PKD2: variants seen among roughly 807,000 people sequenced by gnomAD.
PKD2 encodes the protein polycystin-2.
Under a neutral mutation model 105.9 loss-of-function variants are expected in PKD2, and 48 were observed. That is an observed-to-expected ratio of 0.45 (90% CI 0.36 to 0.58). PKD2 has a LOEUF of 0.58. PKD2 is among the 20% of genes least tolerant of loss of function. The pLI, the probability that PKD2 is intolerant of heterozygous loss-of-function variation, is 0.00. For missense variants in PKD2, 1,078 were observed against 1,255.3 expected (o/e 0.86, Z 2.13); for synonymous variants, 464 against 481.1 (o/e 0.96, Z 0.46).
intron 2 of PKD2, among the ~76,000 whole-genome samples, chr4:88,023,148 A>G (rs966666378): frequency 1.3e-5 from 2 of 152,136 alleles, no homozygotes; most frequent in African/African-American, 4.8e-5. Context: ...AAAGAAAGAA[A>G]AGAGATTTAT....
chr4:88,060,622 T>G (rs967924681), intron 9 of PKD2, among the ~76,000 whole-genome samples: 6 of 152,070 alleles, frequency 3.9e-5, no homozygotes, highest in African/African-American at 1.4e-4. Flanking sequence ...ATAGAAATAC[T>G]TGCAAACCAC....
chr4:88,012,990 A>C (rs1254413644), intron 1 of PKD2, among the ~76,000 whole-genome samples: 1 of 152,206 alleles, frequency 6.6e-6, no homozygotes, highest in African/African-American at 2.4e-5. Context: ...AAGTTTGTAC[A>C]CATATATACA....
Position 88,075,460 on chromosome 4 carries a change from T to G in PKD2, c.2673T>G (p.Asp891Glu). Reference sequence around the variant, plus strand: ...CCAGTTTCTTTTTCCCTTTTTAGGATGAAAGGCTGGGTCGTGACAGTGAAA... The same window carrying G: ...CCAGTTTCTTTTTCCCTTTTTAGGAGGAAAGGCTGGGTCGTGACAGTGAAA... ...LGRLLDGVAE[D>E]ERLGRDSEIH... The change falls in exon 15 of 15, where the codon GAT (aspartate) becomes GAG (glutamate). Residue 891 changes from aspartate (D) to glutamate (E), a missense_variant and splice_region_variant. By Grantham distance (45) the Asp-to-Glu change is conservative (BLOSUM62 2). Coordinates refer to ENST00000237596, the MANE Select transcript of PKD2 (RefSeq NM_000297.4). The G allele has an allele frequency of 6.2e-7, 1 of 1,612,740 alleles. No homozygotes were observed. Among genetic ancestry groups the G allele is most frequent in the Non-Finnish European group, 8.5e-7 (1 of 1,178,752 alleles).
chr4:88,043,105 C>G, intron 4 of PKD2, 128 bp from the exon 5 acceptor site: 1 of 693,368 alleles, frequency 1.4e-6, no homozygotes, highest in Non-Finnish European at 2.6e-6. Context: ...ACTGCCAGGT[C>G]AGGCACAGTA....
chr4:88,048,737 T>A (rs1412754769), intron 6 of PKD2, among the ~76,000 whole-genome samples: 1 of 152,182 alleles, frequency 6.6e-6, no homozygotes, highest in Admixed American at 6.5e-5. Context: ...ACGATGGCCA[T>A]ACAACATCAC....
At chr4:88,044,088 A>G (rs1578134215) in intron 5 of PKD2, among the ~76,000 whole-genome samples, 1 of 152,310 alleles carries the variant, frequency 6.6e-6, no homozygotes, top group Middle Eastern at 3.4e-3. Flanking sequence ...TTGGACACTT[A>G]ATATGGGCTA....
chr4:88,072,193 G>A (rs914370921), intron 13 of PKD2, among the ~76,000 whole-genome samples: 7 of 151,698 alleles, frequency 4.6e-5, no homozygotes, highest in East Asian at 1.9e-4. Context: ...ATGTTGCCCC[G>A]GCTGGTCTCA....
At chr4:88,060,641 G>A (rs185798406) in intron 9 of PKD2, among the ~76,000 whole-genome samples, 1 of 152,086 alleles carries the variant, frequency 6.6e-6, no homozygotes, top group African/African-American at 2.4e-5. Flanking sequence ...ACAGTTATGT[G>A]TTAAAAAGGA....
intron 2 of PKD2, among the ~76,000 whole-genome samples, chr4:88,031,182 G>A (rs1323499313): frequency 1.3e-5 from 2 of 152,202 alleles, no homozygotes; most frequent in African/African-American, 4.8e-5. Flanking sequence ...TTGCCAGATG[G>A]TTTTGCCCAA....
intron 4 of PKD2, among the ~76,000 whole-genome samples, chr4:88,042,520 C>T (rs984560880): frequency 1.3e-5 from 2 of 152,182 alleles, no homozygotes; most frequent in Non-Finnish European, 2.9e-5. Flanking sequence ...CCAGATCCTA[C>T]TCACCTTTCA....
At chr4:88,035,899 G>A (rs145285569) in intron 2 of PKD2, among the ~76,000 whole-genome samples, 64 of 152,228 alleles carry the variant, frequency 4.2e-4, no homozygotes, top group African/African-American at 1.3e-3. Context: ...GCCGAGAGGT[G>A]GTGGAAGATG....
chr4:88,065,664 G>A (rs2110138383), intron 11 of PKD2, 98 bp from the exon 12 acceptor site: 3 of 1,178,280 alleles, frequency 2.5e-6, no homozygotes, highest in Middle Eastern at 3.8e-4. Flanking sequence ...GCCCCCATTT[G>A]GTGATTTCTC....
Position 88,033,887 on chromosome 4 carries a change from C to T in PKD2, c.710-2333C>T, listed in dbSNP as rs143981876. On this transcript the variant is annotated intron_variant, in intron 2 of 14. Transcript: ENST00000237596. ...CTTGTGTCATGTTTCTTTCTGTCCT[C>T]GATTGGCTATAGACTTACAGACGGC... Among the ~76,000 whole-genome samples, 378 of 152,252 alleles carry T rather than the reference C, an allele frequency of 2.5e-3. 3 individuals carry two copies. The highest frequency in any genetic ancestry group is 8.7e-3 in the African/African-American group (360 of 41,542).
At chr4:88,066,716 A>T (rs1720810054) in intron 12 of PKD2, among the ~76,000 whole-genome samples, 1 of 152,094 alleles carries the variant, frequency 6.6e-6, no homozygotes, top group Non-Finnish European at 1.5e-5. Flanking sequence ...TTTACAAAAT[A>T]GTTAAAAATA....
In PKD2 at chr4:88,077,110, T is replaced by C. The variant is rs560177843; in HGVS notation, c.*1416T>C. The C allele has an allele frequency of 4.6e-5, 7 of 152,462 alleles. No individual in the cohort carries two copies. Among genetic ancestry groups the C allele is most frequent in the Admixed American group, 3.3e-4 (5 of 15,298 alleles). The allele number at this position is 152,462 out of a possible 1,614,324, so 9.4% of individuals were successfully genotyped here. ...TTGAGCGCTAATAAGCAAAAGAGCA[T>C]GCAGTGCTGTTGAATAACCCTCACT... On this transcript the variant is annotated 3_prime_UTR_variant, in exon 15 of 15. Transcript: ENST00000237596.
chr4:88,023,433 G>T (rs555928148), intron 2 of PKD2, among the ~76,000 whole-genome samples: 3 of 152,178 alleles, frequency 2.0e-5, no homozygotes. Context: ...TGATCACCTC[G>T]TACCAGGCCC....
intron 1 of PKD2, among the ~76,000 whole-genome samples, chr4:88,015,747 G>T: frequency 6.6e-6 from 1 of 152,180 alleles, no homozygotes. Flanking sequence ...AAAGGATTTA[G>T]ATAAAATAGT....
At chr4:88,060,799 G>A (rs1186126884) in intron 9 of PKD2, among the ~76,000 whole-genome samples, 3 of 152,228 alleles carry the variant, frequency 2.0e-5, no homozygotes, top group Non-Finnish European at 2.9e-5. Context: ...AATAGTAATA[G>A]TAGCTATCAA....
At chr4:88,015,304 A>G (rs953618907) in intron 1 of PKD2, among the ~76,000 whole-genome samples, 1 of 152,236 alleles carries the variant, frequency 6.6e-6, no homozygotes, top group Non-Finnish European at 1.5e-5. Context: ...GTGAGGATGT[A>G]AATGAACTAG....
Sources: allele counts gnomAD v4.1 joint callset (sites outside exome capture counted in the v4.1 genomes callset), GRCh38; gene constraint gnomAD v4.1.1; transcripts MANE v1.5; gene names NCBI Gene and HGNC (gene_info 2026-07-23, HGNC 2026-07-21).